PTPRD: variants seen among roughly 807,000 people sequenced by gnomAD.
PTPRD encodes receptor-type tyrosine-protein phosphatase delta.
PTPRD carries 34 observed loss-of-function variants against 214.5 expected under a neutral mutation model. The observed-to-expected ratio is 0.16, with a 90% CI of 0.12 to 0.21. The LOEUF (loss-of-function observed/expected upper bound fraction) is 0.21, where lower values mean the gene tolerates loss of function less well. PTPRD is among the 10% of genes least tolerant of loss of function. PTPRD has a pLI of 1.00. For synonymous variants in PTPRD, 1,128 were observed against 845.7 expected (o/e 1.33, Z -5.79); for missense variants, 2,545 against 2,398.7 (o/e 1.06, Z -1.27).
chr9:8,671,779 C>T lies in PTPRD; in HGVS notation c.65-34935G>A, dbSNP rs189150221. Among the ~76,000 whole-genome samples the T allele has an allele frequency of 4.9e-3, 743 of 152,280 alleles. 5 individuals carry two copies. Among genetic ancestry groups the T allele is most frequent in the Non-Finnish European group, 7.6e-3 (515 of 68,014 alleles). The stretch of plus-strand genomic sequence containing the variant: ...TGCAACTTACGACTTTTAGAAAACA[C>T]GCCGCGTGCCTTTCTTGTGGTTCCA... On this transcript the variant is annotated intron_variant, in intron 12 of 45. Coordinates refer to ENST00000381196, the MANE Select transcript of PTPRD (RefSeq NM_002839.4).
chr9:8,482,112 C>A (rs889805488), intron 30 of PTPRD, among the ~76,000 whole-genome samples: 1 of 152,170 alleles, frequency 6.6e-6, no homozygotes, highest in Admixed American at 6.5e-5. Context: ...TCTAAGCCCA[C>A]ACTTCTAACT....
intron 11 of PTPRD, among the ~76,000 whole-genome samples, chr9:8,990,555 C>T (rs1414368737): frequency 6.6e-6 from 1 of 152,136 alleles, no homozygotes; most frequent in Non-Finnish European, 1.5e-5. Context: ...CATTCTGCCC[C>T]ATGGCAAGTC....
At chr9:10,059,802 C>CT (rs1489342377) in intron 3 of PTPRD, among the ~76,000 whole-genome samples, 4 of 150,446 alleles carry the variant, frequency 2.7e-5, no homozygotes, top group African/African-American at 9.8e-5. Flanking sequence ...AAACACTAAG[C>CT]TTTACCTGTG....
intron 3 of PTPRD, among the ~76,000 whole-genome samples, chr9:10,188,179 C>A (rs1253526254): frequency 1.3e-5 from 2 of 152,082 alleles, no homozygotes; most frequent in Admixed American, 6.6e-5. Context: ...CCTTTTCCTG[C>A]CAATTCTACT....
At chr9:9,190,056 G>A (rs75750902) in intron 9 of PTPRD, among the ~76,000 whole-genome samples, 10,709 of 152,092 alleles carry the variant, frequency 0.07, 439 homozygotes, top group African/African-American at 0.1. Context: ...TGTAGCCAAT[G>A]GCTATGGTTT....
chr9:10,008,693 C>G (rs1258199499), intron 4 of PTPRD, among the ~76,000 whole-genome samples: 1 of 151,868 alleles, frequency 6.6e-6, no homozygotes, highest in African/African-American at 2.4e-5. Context: ...GCTTCCCAGT[C>G]TGCAGGATGG....
intron 8 of PTPRD, among the ~76,000 whole-genome samples, chr9:9,544,030 ATCTCT>A (rs1435353826): frequency 6.6e-6 from 1 of 151,586 alleles, no homozygotes; most frequent in African/African-American, 2.4e-5. Context: ...ACCTGACTTA[ATCTCT>A]TCTCTTGTAG....
At chr9:10,096,929 G>A (rs1431117577) in intron 3 of PTPRD, among the ~76,000 whole-genome samples, 2 of 151,884 alleles carry the variant, frequency 1.3e-5, no homozygotes, top group African/African-American at 2.4e-5. Context: ...ATGTAAGGAA[G>A]GGATCCAGTT....
chr9:8,806,575 G>A (rs1048057320), intron 11 of PTPRD, among the ~76,000 whole-genome samples: 1 of 152,062 alleles, frequency 6.6e-6, no homozygotes, highest in Admixed American at 6.6e-5. Flanking sequence ...TAGATTATCT[G>A]TAAATATCCA....
At chr9:9,902,116 T>C (rs1457627373) in intron 5 of PTPRD, among the ~76,000 whole-genome samples, 1 of 152,202 alleles carries the variant, frequency 6.6e-6, no homozygotes, top group African/African-American at 2.4e-5. Flanking sequence ...AAAGGTTTAC[T>C]GTTTTCATAT....
At chr9:9,315,833 C>CTTTTTTTTTTTTTT (rs566821610) in intron 9 of PTPRD, among the ~76,000 whole-genome samples, 3 of 93,316 alleles carry the variant, frequency 3.2e-5, no homozygotes, top group African/African-American at 8.0e-5. Flanking sequence ...TAGCAGACAA[C>CTTTTTTTTTTTTTT]TTTTTTTTTT....
At chr9:9,231,551 T>C (rs892976709) in intron 9 of PTPRD, among the ~76,000 whole-genome samples, 1 of 152,140 alleles carries the variant, frequency 6.6e-6, no homozygotes, top group African/African-American at 2.4e-5. Context: ...CCCAGCATTT[T>C]TGAAACTACC....
chr9:9,534,980 G>A (rs569687301), intron 8 of PTPRD, among the ~76,000 whole-genome samples: 21 of 152,152 alleles, frequency 1.4e-4, no homozygotes, highest in African/African-American at 3.1e-4. Flanking sequence ...AGTTCCCACC[G>A]TTATGAATTT....
At position 10,576,426 on chromosome 9, in the gene PTPRD, T is replaced by C. The variant is rs533203638; in HGVS notation, c.-600+35972A>G. On this transcript the variant is annotated intron_variant, in intron 2 of 45. Coordinates refer to ENST00000381196, the MANE Select transcript of PTPRD (RefSeq NM_002839.4). ...GTTACCCCTCCTTAAAAATAGAATC[T>C]CAGTATTTAAAACCAATACATGATT... Among the ~76,000 whole-genome samples, 33 of 152,164 alleles carry C rather than the reference T, an allele frequency of 2.2e-4. 1 individual carries two copies. In the South Asian group the frequency reaches 6.2e-3, roughly 29 times the overall value.
In PTPRD at chr9:10,383,350, AT is replaced by A. The variant is rs1196213533; in HGVS notation, c.-599-42334del. On this transcript the variant is annotated intron_variant, in intron 2 of 45. Coordinates refer to ENST00000381196, the MANE Select transcript of PTPRD (RefSeq NM_002839.4). Reference sequence around the variant, plus strand: ...ATGCCTTTAATTAAAATCACCTTTAATAGATAATGCTCTATGCTCAGGCCCT... The same window carrying A: ...ATGCCTTTAATTAAAATCACCTTTAAAGATAATGCTCTATGCTCAGGCCCT... 5.9e-5 allele frequency among the ~76,000 whole-genome samples: 9 copies of A among 151,974 alleles called. No individual in the cohort carries two copies. In the East Asian group the frequency reaches 1.8e-3, roughly 30 times the overall value.
chr9:9,610,891 C>T (rs2094477366), intron 7 of PTPRD, among the ~76,000 whole-genome samples: 1 of 152,056 alleles, frequency 6.6e-6, no homozygotes. Flanking sequence ...GCTAAAACAA[C>T]CCACATGAAG....
At position 8,370,566 on chromosome 9, in the gene PTPRD, C is replaced by A. The variant is rs138495757; in HGVS notation, c.4661+5370G>T. On this transcript the variant is annotated intron_variant, in intron 39 of 45. Coordinates refer to ENST00000381196, the MANE Select transcript of PTPRD (RefSeq NM_002839.4). ...GTAGCTATTGTGATTATTTATGTTC[C>A]AGTGATTAAAGAATGGAAAAGACTC... 3.3e-3 allele frequency among the ~76,000 whole-genome samples: 507 copies of A among 152,096 alleles called. 4 individuals are homozygous for A. Among genetic ancestry groups the A allele is most frequent in the African/African-American group, 0.011 (468 of 41,478 alleles).
intron 8 of PTPRD, among the ~76,000 whole-genome samples, chr9:9,521,366 G>C (rs965760442): frequency 9.9e-5 from 15 of 152,022 alleles, no homozygotes; most frequent in Non-Finnish European, 2.1e-4. Context: ...CAATCCATTT[G>C]TCACCCACAT....
At chr9:9,189,501 C>T (rs984636599) in intron 9 of PTPRD, among the ~76,000 whole-genome samples, 5 of 152,060 alleles carry the variant, frequency 3.3e-5, no homozygotes, top group African/African-American at 1.2e-4. Context: ...CAGGGTTTAT[C>T]TACTACAAAA....
Sources: allele counts gnomAD v4.1 joint callset (sites outside exome capture counted in the v4.1 genomes callset), GRCh38; gene constraint gnomAD v4.1.1; transcripts MANE v1.5; gene names NCBI Gene and HGNC (gene_info 2026-07-23, HGNC 2026-07-21).